SVEP1: variants seen among roughly 807,000 people sequenced by gnomAD.
SVEP1 encodes sushi, von Willebrand factor type A, EGF and pentraxin domain-containing protein 1.
A neutral mutation model predicts 367.3 loss-of-function variants in SVEP1; 164 were observed. The ratio of observed to expected loss-of-function variants is 0.45; its 90% CI spans 0.39 to 0.51. The LOEUF (loss-of-function observed/expected upper bound fraction) is 0.51, where lower values mean the gene tolerates loss of function less well. SVEP1 is among the 20% of genes least tolerant of loss of function. SVEP1 has a pLI of 0.00. For missense variants in SVEP1, 4,117 were observed against 4,425.3 expected (o/e 0.93, Z 1.98); for synonymous variants, 1,666 against 1,611.6 (o/e 1.03, Z -0.81).
rs71371670 is a variant in SVEP1, at chr9:110,466,760, CAAAAAA to C, written c.3161-740_3161-735del. Among the ~76,000 whole-genome samples, 8 of 46,424 alleles carry C rather than the reference CAAAAAA, an allele frequency of 1.7e-4. 3 individuals are homozygous for C. The East Asian group carries it at 3.6e-3, about 21-fold the overall frequency. The allele number at this position is 46,424 out of a possible 152,430, so 30.5% of individuals were successfully genotyped here. On this transcript the variant is annotated intron_variant, in intron 17 of 47. Transcript: ENST00000374469. ...TGGGCGACAGAGCGAGACTCCATCT[CAAAAAA>C]AAAAAAAAAAAAGAACTGGCTGCTC...
In SVEP1 at chr9:110,459,123, T is replaced by C; in HGVS notation, c.3323-10A>G. 1 of 1,612,414 alleles carries C rather than the reference T, an allele frequency of 6.2e-7. No homozygotes were observed. On this transcript the variant is annotated splice_polypyrimidine_tract_variant and intron_variant, in intron 18 of 47. Coordinates refer to ENST00000374469, the MANE Select transcript of SVEP1 (RefSeq NM_153366.4). ...CCTTCTGGACAAGGAACTGCAGAGG[T>C]AAAAACAAATCATATGTGCATATAA...
At position 110,432,541 on chromosome 9, in the gene SVEP1, A is replaced by T; in HGVS notation, c.5154T>A (p.Asn1718Lys). The change falls in exon 31 of 48, where the codon AAT (asparagine) becomes AAA (lysine). Residue 1718 changes from asparagine (N) to lysine (K), a missense_variant. Coordinates refer to ENST00000374469, the MANE Select transcript of SVEP1 (RefSeq NM_153366.4). ...AGSTVTYQCN[N>K]GYYLLGDSRM... is the part of the protein sequence containing the mutation. The stretch of plus-strand genomic sequence containing the variant: ...TTGAGTCACCCAATAGATAGTAGCC[A>T]TTGTTGCACTGGTAGGTTACTGTGC... 6.2e-7 allele frequency: 1 copy of T among 1,613,894 alleles called. No individual in the cohort carries two copies. Among genetic ancestry groups the T allele is most frequent in the South Asian group, 1.1e-5 (1 of 91,088 alleles).
chr9:110,566,526 A>G (rs1250935684), intron 1 of SVEP1, among the ~76,000 whole-genome samples: 2 of 152,112 alleles, frequency 1.3e-5, no homozygotes. Flanking sequence ...TACATCTGTC[A>G]AGTAGATAAA....
chr9:110,429,365 T>C (rs768973839), intron 34 of SVEP1, 31 bp from the exon 35 acceptor site: 22 of 1,455,158 alleles, frequency 1.5e-5, no homozygotes, highest in Non-Finnish European at 1.8e-5. Flanking sequence ...TTACAGGATA[T>C]AATTTGCTTT....
chr9:110,433,364 C>CAAAA (rs10611877), intron 30 of SVEP1, among the ~76,000 whole-genome samples: 1 of 80,492 alleles, frequency 1.2e-5, no homozygotes, highest in African/African-American at 5.7e-5. Flanking sequence ...GTAGATAGGC[C>CAAAA]AAAAAAAAAA....
intron 8 of SVEP1, among the ~76,000 whole-genome samples, chr9:110,494,119 T>C (rs1389305897): frequency 6.6e-6 from 1 of 152,224 alleles, no homozygotes; most frequent in Non-Finnish European, 1.5e-5. Flanking sequence ...CTCACAGTCC[T>C]TACTTTCATC....
chr9:110,395,534 T>C (rs1315873159), intron 40 of SVEP1, among the ~76,000 whole-genome samples: 5 of 151,996 alleles, frequency 3.3e-5, no homozygotes, highest in Non-Finnish European at 5.9e-5. Flanking sequence ...GGCTAAATGC[T>C]CCAATTAAAA....
chr9:110,369,913 G>T lies in SVEP1; in HGVS notation c.10694+10C>A. ...TGTTATAGGCGAACATTAGTTTTTG[G>T]TTATCTTACCTGGAACAGTTATGTC... On this transcript the variant is annotated intron_variant, in intron 47 of 47. Coordinates refer to ENST00000374469, the MANE Select transcript of SVEP1 (RefSeq NM_153366.4). The T allele has an allele frequency of 6.2e-7, 1 of 1,608,322 alleles. No homozygotes were observed. The highest frequency in any genetic ancestry group is 1.3e-5 in the African/African-American group (1 of 74,852).
In SVEP1 at chr9:110,407,440, A is replaced by T; in HGVS notation, c.8160T>A (p.Pro2720=). 5.6e-6 allele frequency: 9 copies of T among 1,614,038 alleles called. No individual in the cohort carries two copies. Among genetic ancestry groups the T allele is most frequent in the Non-Finnish European group, 7.6e-6 (9 of 1,179,900 alleles). ...PSCISIECDL[P]TAPENGFLRF... is the part of the protein sequence containing the mutation. ...GCAAAAAGCCATTTTCAGGAGCAGT[A>T]GGCAAGTCACATTCAATTGAAATGC... is the stretch of plus-strand genomic sequence containing the variant. Residue 2720 remains proline (P), a synonymous_variant, in exon 38 of 48, where the codon CCT becomes CCA. Transcript: ENST00000374469.
At chr9:110,578,367 G>GTT (rs530214167) in intron 1 of SVEP1, among the ~76,000 whole-genome samples, 77 of 150,436 alleles carry the variant, frequency 5.1e-4, no homozygotes, top group African/African-American at 6.6e-4. Context: ...AAATTTTAGG[G>GTT]TTTTTTTTTC....
chr9:110,387,477 G>A lies in SVEP1; in HGVS notation c.9887-19C>T. On this transcript the variant is annotated intron_variant, in intron 41 of 47. Coordinates refer to ENST00000374469, the MANE Select transcript of SVEP1 (RefSeq NM_153366.4). ...CTGGTCTCTAAAAACAAGAATAAAA[G>A]CCTCATATTAATTGCTTCCCCAATT... 1 of 1,575,816 alleles carries A rather than the reference G, an allele frequency of 6.3e-7. No individual in the cohort carries two copies. The highest frequency in any genetic ancestry group is 8.6e-7 in the Non-Finnish European group (1 of 1,167,442).
At chr9:110,437,860 G>A (rs1421323690) in intron 27 of SVEP1, among the ~76,000 whole-genome samples, 2 of 152,054 alleles carry the variant, frequency 1.3e-5, no homozygotes, top group Non-Finnish European at 2.9e-5. Context: ...GTCAATCTAT[G>A]TCCAAAGATC....
At position 110,498,187 on chromosome 9, in the gene SVEP1, T is replaced by C. The variant is rs1260074147; in HGVS notation, c.1681+854A>G. On this transcript the variant is annotated intron_variant, in intron 7 of 47. Coordinates refer to ENST00000374469, the MANE Select transcript of SVEP1 (RefSeq NM_153366.4). ...TTCTCCATGAAAAGTTATTTAAGAT[T>C]TTTCCATTAACTCTGCAACTCAGAA... Among the ~76,000 whole-genome samples the C allele has an allele frequency of 5.9e-5, 9 of 152,316 alleles. No individual in the cohort carries two copies. The East Asian group carries it at 1.5e-3, about 26-fold the overall frequency.
At chr9:110,383,228 C>T (rs962430686) in intron 43 of SVEP1, among the ~76,000 whole-genome samples, 1 of 151,474 alleles carries the variant, frequency 6.6e-6, no homozygotes, top group Admixed American at 6.6e-5. Flanking sequence ...GGTTGCTGAC[C>T]TTTAGATGAG....
intron 3 of SVEP1, among the ~76,000 whole-genome samples, chr9:110,518,981 A>C (rs1829842546): frequency 6.6e-6 from 1 of 152,108 alleles, no homozygotes; most frequent in South Asian, 2.1e-4. Flanking sequence ...TAACCTTCCC[A>C]CCTCTGCAGC....
At chr9:110,524,283 A>C (rs1829914046) in intron 3 of SVEP1, among the ~76,000 whole-genome samples, 1 of 152,168 alleles carries the variant, frequency 6.6e-6, no homozygotes, top group African/African-American at 2.4e-5. Flanking sequence ...AACAGAAGAG[A>C]AGGGAACATG....
chr9:110,546,242 A>G lies in SVEP1; in HGVS notation c.837T>C (p.Tyr279=), dbSNP rs1830219491. 2 of 1,592,898 alleles carry G rather than the reference A, an allele frequency of 1.3e-6. No individual in the cohort carries two copies. Among genetic ancestry groups the G allele is most frequent in the Non-Finnish European group, 1.7e-6 (2 of 1,169,310 alleles). The change falls in exon 3 of 48, where the codon TAT becomes TAC. Residue 279 remains tyrosine (Y), a synonymous_variant. Transcript: ENST00000374469. ...FIQDDMVHCS[Y]LCDEGKDCCD... is the part of the protein sequence containing the mutation. ...AGCAGTCCTTGCCTTCATCACAAAG[A>G]TATGAGCAGTGGACCATATCATCTT...
Position 110,387,217 on chromosome 9 carries a change from T to C in SVEP1, c.10060+68A>G, listed in dbSNP as rs1321244961. 2.0e-6 allele frequency: 3 copies of C among 1,471,798 alleles called. No homozygotes were observed. The African/African-American group carries it at 4.3e-5, about 21-fold the overall frequency. The allele number at this position is 1,471,798 out of a possible 1,614,324, so 91.2% of individuals were successfully genotyped here. ...CTTATGAGTGGAGCTTCCTCTATGT[T>C]TTGGATATGCGGGAAGCTAATCGTG... On this transcript the variant is annotated intron_variant, in intron 42 of 47. Transcript: ENST00000374469.
chr9:110,408,042 C>G lies in SVEP1; in HGVS notation c.7558G>C (p.Val2520Leu). 6.2e-7 allele frequency: 1 copy of G among 1,614,006 alleles called. No individual in the cohort carries two copies. The highest frequency in any genetic ancestry group is 8.5e-7 in the Non-Finnish European group (1 of 1,179,892). Residue 2520 changes from valine (V) to leucine (L), a missense_variant, in exon 38 of 48, where the codon GTT (valine) becomes CTT (leucine). Val to Leu is a conservative substitution (Grantham distance 32, BLOSUM62 1). Coordinates refer to ENST00000374469, the MANE Select transcript of SVEP1 (RefSeq NM_153366.4). Reference sequence around the variant, plus strand: ...AAGCCTCGGTTGCAAGAGTAGGTAACGGTCTGTCCATAGTGTAGGTCCGTG... The same window carrying G: ...AAGCCTCGGTTGCAAGAGTAGGTAAGGGTCTGTCCATAGTGTAGGTCCGTG... ...SYTDLHYGQTVTYSCNRGFRL... is the reference protein window; with the variant it reads ...SYTDLHYGQTLTYSCNRGFRL...
Sources: allele counts gnomAD v4.1 joint callset (sites outside exome capture counted in the v4.1 genomes callset), GRCh38; gene constraint gnomAD v4.1.1; transcripts MANE v1.5; gene names NCBI Gene and HGNC (gene_info 2026-07-23, HGNC 2026-07-21).